The following CBLB variants were observed in gnomAD, a reference collection of about 807,000 sequenced individuals.
CBLB encodes Cbl proto-oncogene B.
Under a neutral mutation model 104.9 loss-of-function variants are expected in CBLB, and 31 were observed. That is an observed-to-expected ratio of 0.30 (90% confidence interval 0.22 to 0.40). CBLB has a LOEUF of 0.40. Ranked by LOEUF, CBLB falls within the 10% of genes least tolerant of loss-of-function variation. The pLI, the probability that CBLB is intolerant of heterozygous loss-of-function variation, is 1.00. For missense variants in CBLB, 1,062 were observed against 1,214.6 expected (o/e 0.87, Z 1.87); for synonymous variants, 440 against 422.6 (o/e 1.04, Z -0.51).
chr3:105,675,204 T>G (rs1174157925), intron 17 of CBLB, among the ~76,000 whole-genome samples: 1 of 152,174 alleles, frequency 6.6e-6, no homozygotes, highest in Non-Finnish European at 1.5e-5. Flanking sequence ...TTAGAAAAGA[T>G]GTATCATTAC....
At chr3:105,679,230 T>A (rs1044041857) in intron 16 of CBLB, among the ~76,000 whole-genome samples, 1 of 151,814 alleles carries the variant, frequency 6.6e-6, no homozygotes, top group Non-Finnish European at 1.5e-5. Context: ...ATTTGCATAT[T>A]TCCCAGCTTT....
chr3:105,809,764 C>T (rs1400123162), intron 3 of CBLB, among the ~76,000 whole-genome samples: 2 of 151,982 alleles, frequency 1.3e-5, no homozygotes, highest in African/African-American at 2.4e-5. Flanking sequence ...CTCAAACAGA[C>T]GAGGGATCAG....
intron 3 of CBLB, among the ~76,000 whole-genome samples, chr3:105,781,546 T>A (rs1306327630): frequency 6.6e-6 from 1 of 152,026 alleles, no homozygotes; most frequent in Non-Finnish European, 1.5e-5. Flanking sequence ...ATGAATTAAA[T>A]GAATAAATAA....
Position 105,810,880 on chromosome 3 carries a change from T to A in CBLB, c.420-34338A>T, listed in dbSNP as rs184644190. Among the ~76,000 whole-genome samples the A allele has an allele frequency of 2.0e-3, 302 of 152,288 alleles. 2 individuals carry two copies. Among genetic ancestry groups the A allele is most frequent in the African/African-American group, 7.0e-3 (293 of 41,576 alleles). On this transcript the variant is annotated intron_variant, in intron 3 of 18. Coordinates refer to ENST00000394030, the MANE Select transcript of CBLB (RefSeq NM_170662.5). The stretch of plus-strand genomic sequence containing the variant: ...CTCCTGATCAATTTTAGACCGTAAG[T>A]ACTTCATAGGTATAAGTTTAAGATA...
At chr3:105,696,228 G>C (rs1311494745) in intron 12 of CBLB, among the ~76,000 whole-genome samples, 1 of 151,660 alleles carries the variant, frequency 6.6e-6, no homozygotes, top group African/African-American at 2.4e-5. Flanking sequence ...TTAGTAGATT[G>C]AGATAGCAAA....
At chr3:105,732,869 C>T (rs2074469016) in intron 9 of CBLB, among the ~76,000 whole-genome samples, 1 of 152,066 alleles carries the variant, frequency 6.6e-6, no homozygotes, top group South Asian at 2.1e-4. Context: ...TTATGCTTCA[C>T]CGAAAATCTT....
At chr3:105,674,132 G>A (rs573828132) in intron 17 of CBLB, 17 of 152,318 alleles carry the variant, frequency 1.1e-4, no homozygotes, top group African/African-American at 4.1e-4. Context: ...CACAATTTGA[G>A]AATTGCTGCT....
In CBLB at chr3:105,717,004, G is replaced by C. The variant is rs938197211; in HGVS notation, c.1407+3043C>G. Among the ~76,000 whole-genome samples, 4 of 152,086 alleles carry C rather than the reference G, an allele frequency of 2.6e-5. No homozygotes were observed. In the South Asian group the frequency reaches 6.2e-4, roughly 24 times the overall value. On this transcript the variant is annotated intron_variant, in intron 10 of 18. Coordinates refer to ENST00000394030, the MANE Select transcript of CBLB (RefSeq NM_170662.5). The stretch of plus-strand genomic sequence containing the variant: ...AAGGAGAAACACTAGAGTCACCTTG[G>C]AACATTCTGCTTCTCATGTTATGTT...
intron 3 of CBLB, among the ~76,000 whole-genome samples, chr3:105,849,200 C>T (rs952795326): frequency 6.6e-6 from 1 of 151,992 alleles, no homozygotes; most frequent in African/African-American, 2.4e-5. Context: ...AAACACAGTT[C>T]GAAAGTTTAT....
At position 105,744,849 on chromosome 3, in the gene CBLB, G is replaced by C. The variant is rs533399120; in HGVS notation, c.845+1068C>G. ...GGAGGTTAAGGCAGGAGAATTGCTCGAACCAGGGAGTCGAAGGTTGCAGTG... is the reference window on the plus strand; with the variant it reads ...GGAGGTTAAGGCAGGAGAATTGCTCCAACCAGGGAGTCGAAGGTTGCAGTG... On this transcript the variant is annotated intron_variant, in intron 6 of 18. Transcript: ENST00000394030. Among the ~76,000 whole-genome samples, 7 of 152,264 alleles carry C rather than the reference G, an allele frequency of 4.6e-5. No homozygotes were observed. In the South Asian group the frequency reaches 1.4e-3, roughly 32 times the overall value.
chr3:105,703,730 TAACTA>T (rs765618205), intron 11 of CBLB, among the ~76,000 whole-genome samples: 2 of 152,176 alleles, frequency 1.3e-5, no homozygotes, highest in Non-Finnish European at 2.9e-5. Flanking sequence ...TTTTACAAAA[TAACTA>T]TACTTACTCT....
chr3:105,725,851 T>A (rs1239139092), intron 9 of CBLB, among the ~76,000 whole-genome samples: 4 of 142,720 alleles, frequency 2.8e-5, no homozygotes, highest in Non-Finnish European at 6.1e-5. Flanking sequence ...TTATTTTATC[T>A]TTTTTTTTTA....
At chr3:105,767,323 T>A (rs1489764348) in intron 4 of CBLB, among the ~76,000 whole-genome samples, 1 of 152,034 alleles carries the variant, frequency 6.6e-6, no homozygotes, top group Admixed American at 6.6e-5. Flanking sequence ...AATATATATC[T>A]CACTCGCTGG....
intron 2 of CBLB, among the ~76,000 whole-genome samples, chr3:105,864,105 G>A (rs979784395): frequency 1.3e-5 from 2 of 152,166 alleles, no homozygotes; most frequent in Non-Finnish European, 2.9e-5. Flanking sequence ...ATGGCCAGCA[G>A]AATCCAGACA....
At chr3:105,786,184 G>A (rs1210582878) in intron 3 of CBLB, among the ~76,000 whole-genome samples, 1 of 152,036 alleles carries the variant, frequency 6.6e-6, no homozygotes, top group African/African-American at 2.4e-5. Context: ...TATAGATGAT[G>A]TGTTGTAAAT....
intron 9 of CBLB, among the ~76,000 whole-genome samples, chr3:105,725,123 TA>T (rs1292535352): frequency 6.6e-6 from 1 of 152,146 alleles, no homozygotes; most frequent in Non-Finnish European, 1.5e-5. Context: ...ATATCAAAAT[TA>T]AAAAAACTAC....
intron 7 of CBLB, among the ~76,000 whole-genome samples, chr3:105,740,030 G>T (rs574469989): frequency 6.6e-6 from 1 of 152,208 alleles, no homozygotes; most frequent in African/African-American, 2.4e-5. Flanking sequence ...TTGAACCCAG[G>T]AGGCGGAGGT....
chr3:105,798,158 ATTC>A (rs1233593363), intron 3 of CBLB, among the ~76,000 whole-genome samples: 1 of 152,354 alleles, frequency 6.6e-6, no homozygotes, highest in South Asian at 2.1e-4. Context: ...CTTTTCAACA[ATTC>A]TTCTTTAAAA....
chr3:105,682,559 T>C (rs2066445644), intron 14 of CBLB, among the ~76,000 whole-genome samples: 1 of 152,132 alleles, frequency 6.6e-6, no homozygotes, highest in Non-Finnish European at 1.5e-5. Context: ...AAGGCTGGAG[T>C]GCAGTGGCAT....
Sources: allele counts gnomAD v4.1 joint callset (sites outside exome capture counted in the v4.1 genomes callset), GRCh38; gene constraint gnomAD v4.1.1; transcripts MANE v1.5; gene names NCBI Gene and HGNC (gene_info 2026-07-23, HGNC 2026-07-21).